The following SFMBT1 variants were observed in gnomAD, a reference collection of about 807,000 sequenced individuals.
SFMBT1 encodes scm-like with four MBT domains protein 1.
A neutral mutation model predicts 108.7 loss-of-function variants in SFMBT1; 32 were observed. The ratio of observed to expected loss-of-function variants is 0.29; its 90% CI spans 0.22 to 0.40. The LOEUF is 0.40. SFMBT1 is among the 10% of genes least tolerant of loss of function. The pLI, the probability that SFMBT1 is intolerant of heterozygous loss-of-function variation, is 1.00. For synonymous variants in SFMBT1, 348 were observed against 369.5 expected (o/e 0.94, Z 0.67); for missense variants, 816 against 1,059.6 (o/e 0.77, Z 3.19).
intron 1 of SFMBT1, among the ~76,000 whole-genome samples, chr3:53,019,780 A>T (rs186415788): frequency 6.6e-6 from 1 of 152,302 alleles, no homozygotes; most frequent in African/African-American, 2.4e-5. Flanking sequence ...GCATACAGGC[A>T]TTTTTTAAAA....
chr3:52,988,818 T>C (rs925966709), intron 1 of SFMBT1, among the ~76,000 whole-genome samples: 1 of 152,234 alleles, frequency 6.6e-6, no homozygotes. Context: ...ATATGCAAGA[T>C]GTAAAACCAA....
At chr3:53,044,631 T>C (rs1298087524) in intron 1 of SFMBT1, among the ~76,000 whole-genome samples, 2 of 152,230 alleles carry the variant, frequency 1.3e-5, no homozygotes, top group African/African-American at 2.4e-5. Context: ...TGCAATAAAA[T>C]TAAGAATGAC....
At chr3:52,952,353 T>C (rs1189690564) in intron 3 of SFMBT1, among the ~76,000 whole-genome samples, 1 of 152,172 alleles carries the variant, frequency 6.6e-6, no homozygotes, top group African/African-American at 2.4e-5. Flanking sequence ...TGCATCAGTG[T>C]CTTCACAAAT....
At chr3:53,043,657 T>A (rs994280793) in intron 1 of SFMBT1, among the ~76,000 whole-genome samples, 1 of 152,230 alleles carries the variant, frequency 6.6e-6, no homozygotes, top group Non-Finnish European at 1.5e-5. Context: ...CCATTGTCTG[T>A]GAACATAAGG....
chr3:52,932,412 C>A, intron 5 of SFMBT1, 104 bp from the exon 6 acceptor site: 1 of 1,157,100 alleles, frequency 8.6e-7, no homozygotes. Context: ...ATTTTTTACC[C>A]ATTCAAAAGC....
intron 1 of SFMBT1, among the ~76,000 whole-genome samples, chr3:52,970,721 C>G (rs1704311456): frequency 6.6e-6 from 1 of 152,072 alleles, no homozygotes; most frequent in Admixed American, 6.6e-5. Context: ...TGTATTAGAG[C>G]CCCCAGTAAA....
intron 3 of SFMBT1, among the ~76,000 whole-genome samples, chr3:52,950,586 C>T (rs1447747440): frequency 6.6e-6 from 1 of 151,974 alleles, no homozygotes; most frequent in African/African-American, 2.4e-5. Context: ...GCAATTCTCC[C>T]GTCTCAGCCT....
chr3:52,907,767 T>C, intron 17 of SFMBT1, 34 bp from the exon 18 acceptor site: 1 of 1,563,928 alleles, frequency 6.4e-7, no homozygotes, highest in East Asian at 2.2e-5. Flanking sequence ...ATGAAGTAGC[T>C]TCATTATTTT....
At position 52,911,013 on chromosome 3, in the gene SFMBT1, C is replaced by T. The variant is rs1702201676; in HGVS notation, c.1896G>A (p.Lys632=). 1 of 1,613,984 alleles carries T rather than the reference C, an allele frequency of 6.2e-7. No individual in the cohort carries two copies. Among genetic ancestry groups the T allele is most frequent in the Admixed American group, 1.7e-5 (1 of 59,992 alleles). ...KCSENCSVLT[K]TKYTHYYGKK... is the part of the protein sequence containing the mutation. ...AAAAACATGACTCACTGTATTTGGT[C>T]TTTGTAAGTACAGAACAGTTCTCAG... The change falls in exon 17 of 21, where the codon AAG becomes AAA. Residue 632 remains lysine (K), a synonymous_variant. Coordinates refer to ENST00000394752, the MANE Select transcript of SFMBT1 (RefSeq NM_016329.4).
At chr3:52,922,815 A>C (rs768434143) in intron 10 of SFMBT1, among the ~76,000 whole-genome samples, 11 of 152,236 alleles carry the variant, frequency 7.2e-5, no homozygotes, top group Non-Finnish European at 1.5e-4. Context: ...GGACACAAGG[A>C]ACTGCTGAGG....
At chr3:52,995,675 C>T (rs2106903432) in intron 1 of SFMBT1, among the ~76,000 whole-genome samples, 1 of 150,104 alleles carries the variant, frequency 6.7e-6, no homozygotes, top group Admixed American at 6.7e-5. Context: ...GCTGGGATTA[C>T]AAGTGTGAGC....
chr3:53,011,140 A>G (rs779516485), intron 1 of SFMBT1, among the ~76,000 whole-genome samples: 12 of 152,202 alleles, frequency 7.9e-5, no homozygotes, highest in Admixed American at 6.5e-4. Flanking sequence ...CAAAAAAGGG[A>G]GAGTTAACTG....
At chr3:52,934,085 A>T (rs1414095222) in intron 5 of SFMBT1, among the ~76,000 whole-genome samples, 1 of 152,216 alleles carries the variant, frequency 6.6e-6, no homozygotes, top group Non-Finnish European at 1.5e-5. Flanking sequence ...GCCCATAAGC[A>T]CAAAAAAACA....
At chr3:52,923,965 A>C (rs1209820735) in intron 10 of SFMBT1, among the ~76,000 whole-genome samples, 1 of 152,196 alleles carries the variant, frequency 6.6e-6, no homozygotes. Flanking sequence ...TACCTTCCAG[A>C]AAGGGTCGGG....
chr3:52,928,041 C>T lies in SFMBT1; in HGVS notation c.1048+150G>A, dbSNP rs1052229965. 8.6e-6 allele frequency: 8 copies of T among 927,316 alleles called. No individual in the cohort carries two copies. In the Admixed American group the frequency reaches 2.1e-4, roughly 24 times the overall value. The allele number at this position is 927,316 out of a possible 1,614,324, so 57.4% of individuals were successfully genotyped here. On this transcript the variant is annotated intron_variant, in intron 9 of 20. Coordinates refer to ENST00000394752, the MANE Select transcript of SFMBT1 (RefSeq NM_016329.4). ...AATATGTAAATACATGGAATCTAGACCTTTCCTTATACTTTTCTCAGACCC... is the reference window on the plus strand; with the variant it reads ...AATATGTAAATACATGGAATCTAGATCTTTCCTTATACTTTTCTCAGACCC...
intron 14 of SFMBT1, among the ~76,000 whole-genome samples, chr3:52,915,485 C>G (rs1476383964): frequency 6.6e-6 from 1 of 152,214 alleles, no homozygotes; most frequent in Non-Finnish European, 1.5e-5. Context: ...GGTCTTTCTA[C>G]TCATAAGCTG....
intron 1 of SFMBT1, among the ~76,000 whole-genome samples, chr3:53,000,698 A>C (rs1698517069): frequency 6.7e-6 from 1 of 150,294 alleles, no homozygotes; most frequent in South Asian, 2.1e-4. Flanking sequence ...GTTGGAAAGC[A>C]ATGTGATGAC....
intron 13 of SFMBT1, among the ~76,000 whole-genome samples, chr3:52,918,118 G>C (rs1383899291): frequency 6.6e-6 from 1 of 152,174 alleles, no homozygotes; most frequent in Admixed American, 6.5e-5. Flanking sequence ...TTCTTTTAGA[G>C]CTGTCTTCTA....
At chr3:52,997,899 A>G (rs1282541732) in intron 1 of SFMBT1, among the ~76,000 whole-genome samples, 3 of 150,802 alleles carry the variant, frequency 2.0e-5, no homozygotes, top group African/African-American at 7.3e-5. Context: ...AAAAAGAGAG[A>G]AGATAACACA....
Sources: gnomAD v4.1 joint callset for allele counts (sites outside exome capture counted in the v4.1 genomes callset) on GRCh38, gnomAD v4.1.1 for gene constraint, MANE v1.5 for transcripts, NCBI Gene and HGNC (gene_info 2026-07-23, HGNC 2026-07-21) for gene names.